Variants in RPS6KC1 observed in about 807,000 individuals in gnomAD.
RPS6KC1 encodes ribosomal protein S6 kinase C1.
RPS6KC1 carries 54 observed loss-of-function variants against 103.8 expected under a neutral mutation model. The observed-to-expected ratio is 0.52, with a 90% CI of 0.42 to 0.65. RPS6KC1 has a LOEUF of 0.65. Ranked by LOEUF, RPS6KC1 falls within the 30% of genes least tolerant of loss-of-function variation. RPS6KC1 has a pLI of 0.00. For missense variants in RPS6KC1, 1,151 were observed against 1,253.8 expected, an observed-to-expected ratio of 0.92 and a Z score of 1.24; for synonymous variants, 439 against 438.7, an observed-to-expected ratio of 1.00 and a Z score of -0.01.
rs549798139 is a variant in RPS6KC1 at position 213,053,512 on chromosome 1, T to C, written c.105+2003T>C. Among the ~76,000 whole-genome samples, 4 of 152,376 alleles carry C rather than the reference T, an allele frequency of 2.6e-5. No homozygotes were observed. The East Asian group carries it at 5.8e-4, about 22-fold the overall frequency. On this transcript the variant is annotated intron_variant, in intron 1 of 14. Transcript: ENST00000366960. ...AGGCTGAATAAAGCAGGGATCTTTATTCCTTTCAAGGATACTCATAGTAGA... is the reference window on the plus strand; with the variant it reads ...AGGCTGAATAAAGCAGGGATCTTTACTCCTTTCAAGGATACTCATAGTAGA...
chr1:213,352,052 G>A, the RPS6KC1 span, among the ~76,000 whole-genome samples: 1 of 151,918 alleles, frequency 6.6e-6, no homozygotes, highest in Admixed American at 6.6e-5. Flanking sequence ...TGGGGAAAAG[G>A]GCTATGGAGG....
chr1:213,362,145 G>A, the RPS6KC1 span, among the ~76,000 whole-genome samples: 962 of 152,304 alleles, frequency 6.3e-3, 9 homozygotes, highest in African/African-American at 0.021. Flanking sequence ...TATTTGTACC[G>A]AGGGAGAGGG....
intron 14 of RPS6KC1, among the ~76,000 whole-genome samples, chr1:213,268,263 T>C (rs1315140316): frequency 6.6e-6 from 1 of 151,888 alleles, no homozygotes; most frequent in Non-Finnish European, 1.5e-5. Context: ...CAGAAGATAT[T>C]GGAATGACAC....
At chr1:213,509,351 T>C in the RPS6KC1 span, among the ~76,000 whole-genome samples, 2 of 152,138 alleles carry the variant, frequency 1.3e-5, no homozygotes, top group Non-Finnish European at 2.9e-5. Context: ...TTTTTTTTTT[T>C]CTTCTAAGAA....
chr1:213,197,160 G>T (rs1477414393), intron 8 of RPS6KC1, among the ~76,000 whole-genome samples: 1 of 152,154 alleles, frequency 6.6e-6, no homozygotes, highest in Non-Finnish European at 1.5e-5. Context: ...TTTTATACCA[G>T]TATTATCCTG....
chr1:213,803,239 GC>G, the RPS6KC1 span, among the ~76,000 whole-genome samples: 1 of 138,996 alleles, frequency 7.2e-6, no homozygotes, highest in East Asian at 2.2e-4. Flanking sequence ...CAAGGCAGTG[GC>G]TTTTTTTTTT....
intron 5 of RPS6KC1, among the ~76,000 whole-genome samples, chr1:213,122,864 C>A (rs745820105): frequency 3.6e-4 from 54 of 152,002 alleles, no homozygotes; most frequent in Admixed American, 2.3e-3. Flanking sequence ...GTCATTTTTT[C>A]CCCCCAAGAT....
chr1:213,301,698 CTTATTTATTTATTTATTTAT>C, the RPS6KC1 span, among the ~76,000 whole-genome samples: 41 of 141,162 alleles, frequency 2.9e-4, no homozygotes, highest in African/African-American at 6.6e-4. Context: ...GACCCATTTA[CTTATTTATTTATTTATTTAT>C]TTATTTATTT....
chr1:213,692,812 T>A, the RPS6KC1 span, among the ~76,000 whole-genome samples: 2 of 152,216 alleles, frequency 1.3e-5, no homozygotes, highest in African/African-American at 4.8e-5. Flanking sequence ...GGTATTTCTA[T>A]CTATTGGGAG....
chr1:213,689,007 G>A, the RPS6KC1 span, among the ~76,000 whole-genome samples: 1 of 152,194 alleles, frequency 6.6e-6, no homozygotes, highest in African/African-American at 2.4e-5. Context: ...GGAGAGAAGG[G>A]GATAAGAGTG....
chr1:213,293,583 TC>T, the RPS6KC1 span, among the ~76,000 whole-genome samples: 4 of 152,240 alleles, frequency 2.6e-5, no homozygotes, highest in Middle Eastern at 3.4e-3. Flanking sequence ...AAGTAAAGTT[TC>T]CTGCTTGAGC....
At chr1:213,610,254 A>G in the RPS6KC1 span, among the ~76,000 whole-genome samples, 3 of 152,124 alleles carry the variant, frequency 2.0e-5, no homozygotes, top group African/African-American at 7.2e-5. Context: ...TTGTCTACTT[A>G]TTGGAAGCCA....
chr1:213,839,396 C>T, the RPS6KC1 span, among the ~76,000 whole-genome samples: 1 of 152,126 alleles, frequency 6.6e-6, no homozygotes, highest in Non-Finnish European at 1.5e-5. Flanking sequence ...ACCAAACACT[C>T]CGATGAGTTT....
At chr1:213,589,224 G>T in the RPS6KC1 span, among the ~76,000 whole-genome samples, 11 of 152,200 alleles carry the variant, frequency 7.2e-5, no homozygotes, top group African/African-American at 2.4e-4. Flanking sequence ...CATTATGGCT[G>T]TGTCTCCTTC....
chr1:213,797,830 ACCCAAGTG>A, the RPS6KC1 span, among the ~76,000 whole-genome samples: 15 of 152,162 alleles, frequency 9.9e-5, no homozygotes, highest in Admixed American at 9.2e-4. Flanking sequence ...GAGTCATTTG[ACCCAAGTG>A]CTCTTGGTTT....
the RPS6KC1 span, among the ~76,000 whole-genome samples, chr1:213,375,111 A>G: frequency 2.0e-5 from 3 of 151,608 alleles, no homozygotes; most frequent in East Asian, 5.8e-4. Context: ...AAACACATAT[A>G]CTTATATATA....
At chr1:213,536,969 G>A in the RPS6KC1 span, among the ~76,000 whole-genome samples, 5 of 152,132 alleles carry the variant, frequency 3.3e-5, no homozygotes, top group East Asian at 1.9e-4. Flanking sequence ...TGATATCTGC[G>A]TTCCTACAAT....
chr1:213,675,414 C>A, the RPS6KC1 span, among the ~76,000 whole-genome samples: 91 of 152,266 alleles, frequency 6.0e-4, no homozygotes, highest in Non-Finnish European at 4.6e-4. Context: ...TACATTTAAA[C>A]CTTTAATCCA....
chr1:213,471,358 G>T, the RPS6KC1 span, among the ~76,000 whole-genome samples: 1 of 152,106 alleles, frequency 6.6e-6, no homozygotes, highest in Non-Finnish European at 1.5e-5. Context: ...AGTGTAAAAA[G>T]ATTTAAATCC....
Sources: allele counts gnomAD v4.1 joint callset (sites outside exome capture counted in the v4.1 genomes callset), GRCh38; gene constraint gnomAD v4.1.1; transcripts MANE v1.5; gene names NCBI Gene and HGNC (gene_info 2026-07-23, HGNC 2026-07-21).